Variants in GRB14 observed in about 807,000 individuals in gnomAD.
GRB14 encodes growth factor receptor-bound protein 14.
In GRB14, 38 loss-of-function variants were observed where a neutral mutation model predicts 69.1. That is an observed-to-expected ratio of 0.55 (90% CI 0.42 to 0.72). The LOEUF (loss-of-function observed/expected upper bound fraction) is 0.72, where lower values mean the gene tolerates loss of function less well. GRB14 is among the 30% of genes least tolerant of loss of function. GRB14 has a pLI of 0.00. For missense variants in GRB14, 666 were observed against 666.1 expected (o/e 1.00, Z 0.00); for synonymous variants, 247 against 241.3 (o/e 1.02, Z -0.22).
chr2:164,511,362 C>A (rs952898301), intron 6 of GRB14, among the ~76,000 whole-genome samples: 1 of 152,114 alleles, frequency 6.6e-6, no homozygotes, highest in South Asian at 2.1e-4. Context: ...CTTCCTTCCA[C>A]TTGAGGAGAG....
At chr2:164,550,540 T>C (rs988829897) in intron 2 of GRB14, among the ~76,000 whole-genome samples, 1 of 152,172 alleles carries the variant, frequency 6.6e-6, no homozygotes, top group African/African-American at 2.4e-5. Context: ...TATAAAGTGG[T>C]AAAACTATTT....
At chr2:164,521,750 G>A (rs1026289235) in intron 6 of GRB14, among the ~76,000 whole-genome samples, 4 of 152,016 alleles carry the variant, frequency 2.6e-5, no homozygotes, top group African/African-American at 7.2e-5. Context: ...AGTAACATAC[G>A]TTGTACTGAA....
rs1168794820 is a variant in GRB14, at chr2:164,492,897, T to C, written c.*139A>G. On this transcript the variant is annotated 3_prime_UTR_variant, in exon 14 of 14. Coordinates refer to ENST00000263915, the MANE Select transcript of GRB14 (RefSeq NM_004490.3). ...AATCCAAGTCTTTGCTTATTTGCAA[T>C]GCACAAACTATTTTTTTGTAACTTG... 2.1e-5 allele frequency: 14 copies of C among 666,442 alleles called. No homozygotes were observed. The highest frequency in any genetic ancestry group is 3.3e-4 in the Middle Eastern group (1 of 2,986). 41.3% of individuals were successfully genotyped at this position (666,442 alleles called of 1,614,324 possible).
At chr2:164,536,283 T>C (rs1283132851) in intron 3 of GRB14, among the ~76,000 whole-genome samples, 3 of 152,210 alleles carry the variant, frequency 2.0e-5, no homozygotes, top group African/African-American at 4.8e-5. Context: ...ATTTTAATAA[T>C]TTGATCACTG....
chr2:164,562,727 A>C (rs1040790533), intron 2 of GRB14, among the ~76,000 whole-genome samples: 1 of 152,214 alleles, frequency 6.6e-6, no homozygotes, highest in African/African-American at 2.4e-5. Context: ...CTGTTCTGTG[A>C]GGAAGCATCA....
At chr2:164,565,553 C>T (rs1450304625) in intron 2 of GRB14, among the ~76,000 whole-genome samples, 1 of 152,108 alleles carries the variant, frequency 6.6e-6, no homozygotes, top group African/African-American at 2.4e-5. Flanking sequence ...TTCTGGGTGA[C>T]CTTGCATAAG....
chr2:164,535,208 T>C (rs1688049700), intron 3 of GRB14, among the ~76,000 whole-genome samples: 1 of 152,164 alleles, frequency 6.6e-6, no homozygotes, highest in Non-Finnish European at 1.5e-5. Flanking sequence ...TGAGGTCTTA[T>C]GGTAATAAAA....
chr2:164,542,615 A>C (rs1688269071), intron 3 of GRB14, among the ~76,000 whole-genome samples: 1 of 152,212 alleles, frequency 6.6e-6, no homozygotes, highest in Admixed American at 6.5e-5. Flanking sequence ...AAGAAGACAT[A>C]CAAGTAGCCA....
At chr2:164,611,890 G>A (rs1051859632) in intron 2 of GRB14, among the ~76,000 whole-genome samples, 3 of 152,090 alleles carry the variant, frequency 2.0e-5, no homozygotes, top group African/African-American at 7.2e-5. Flanking sequence ...TCTAGGGCTA[G>A]TGGAACAAAA....
intron 2 of GRB14, among the ~76,000 whole-genome samples, chr2:164,595,850 A>T (rs1574342877): frequency 1.3e-5 from 2 of 152,116 alleles, no homozygotes; most frequent in East Asian, 3.9e-4. Flanking sequence ...ATGGGACCAG[A>T]CCCAGAGGCT....
chr2:164,504,930 C>G (rs970667740), intron 8 of GRB14, among the ~76,000 whole-genome samples: 24 of 152,240 alleles, frequency 1.6e-4, no homozygotes, highest in African/African-American at 5.3e-4. Context: ...GAAATACTTG[C>G]TGTGACAGTG....
rs1008899898 is a variant in GRB14, at chr2:164,542,400, TGGAACCTAA to T, written c.481+5251_481+5259del. On this transcript the variant is annotated intron_variant, in intron 3 of 13. Transcript: ENST00000263915. ...TGCAACAAAAACAAAAATAGACAAG[TGGAACCTAA>T]TTAAACTAAAGAGCTTCTGAACAGC... Among the ~76,000 whole-genome samples, 25 of 152,294 alleles carry T rather than the reference TGGAACCTAA, an allele frequency of 1.6e-4. 1 individual carries two copies. Among genetic ancestry groups the T allele is most frequent in the Admixed American group, 1.5e-3 (23 of 15,292 alleles).
intron 8 of GRB14, among the ~76,000 whole-genome samples, chr2:164,507,119 G>C (rs1045175899): frequency 3.3e-5 from 5 of 152,080 alleles, no homozygotes; most frequent in African/African-American, 1.2e-4. Flanking sequence ...AAAATTGTAA[G>C]AATACAAAAT....
chr2:164,498,109 GAAAAT>G (rs1334567322), intron 9 of GRB14, among the ~76,000 whole-genome samples: 1 of 151,950 alleles, frequency 6.6e-6, no homozygotes, highest in Non-Finnish European at 1.5e-5. Flanking sequence ...ATCTTACTTA[GAAAAT>G]AAAATTTAGT....
chr2:164,585,085 C>CTTTTTTT (rs146962375), intron 2 of GRB14, among the ~76,000 whole-genome samples: 2 of 54,386 alleles, frequency 3.7e-5, no homozygotes, highest in Non-Finnish European at 6.6e-5. Context: ...CCATGCCTGG[C>CTTTTTTT]TTTTTTTTTT....
rs1006128947 is a variant in GRB14, at chr2:164,621,171, C to T, written c.139G>A (p.Ala47Thr). The T allele has an allele frequency of 8.0e-7, 1 of 1,244,432 alleles. No homozygotes were observed. The highest frequency in any genetic ancestry group is 1.0e-6 in the Non-Finnish European group (1 of 988,180). 77.1% of individuals were successfully genotyped at this position (1,244,432 alleles called of 1,614,324 possible). ...TCCGGAAGGGGCAGGAGCGCTCGCG[C>T]GTGCAGCCAGGGGGCCGGCGCCAGG... is the stretch of plus-strand genomic sequence containing the variant. ...HDLAPAPWLH[A>T]RALLPLPDGT... is the part of the protein sequence containing the mutation. The change falls in exon 1 of 14, where the codon GCG becomes ACG. Residue 47 changes from alanine to threonine, a missense_variant. Transcript: ENST00000263915. This position sits in a 1 kb window ranked among gnomAD's most constrained non-coding sequence, Gnocchi z 6.0.
chr2:164,536,325 A>T (rs1043995738), intron 3 of GRB14, among the ~76,000 whole-genome samples: 2 of 152,220 alleles, frequency 1.3e-5, no homozygotes, highest in African/African-American at 4.8e-5. Flanking sequence ...TTACAGCAGC[A>T]AAGAAGATGT....
intron 2 of GRB14, among the ~76,000 whole-genome samples, chr2:164,584,241 G>A (rs966793975): frequency 7.2e-5 from 10 of 139,122 alleles, no homozygotes; most frequent in Non-Finnish European, 1.5e-4. Flanking sequence ...CTGAGCTCAG[G>A]TAATCCACCT....
chr2:164,570,221 G>C (rs1486309217), intron 2 of GRB14, among the ~76,000 whole-genome samples: 1 of 143,658 alleles, frequency 7.0e-6, no homozygotes, highest in Non-Finnish European at 1.5e-5. Flanking sequence ...AGGTTGCAGT[G>C]AGCCGAGATC....
Sources: gnomAD v4.1 joint callset for allele counts (sites outside exome capture counted in the v4.1 genomes callset) on GRCh38, gnomAD v4.1.1 for gene constraint, Gnocchi (gnomAD v3.1) non-coding constraint, MANE v1.5 for transcripts, NCBI Gene and HGNC (gene_info 2026-07-23, HGNC 2026-07-21) for gene names.